ATP11C: variants seen among roughly 807,000 people sequenced by gnomAD.
ATP11C encodes the protein phospholipid-transporting ATPase IG.
In ATP11C, 36 loss-of-function variants were observed where a neutral mutation model predicts 97.4. That is an observed-to-expected ratio of 0.37 (90% confidence interval 0.28 to 0.49). The LOEUF is 0.49. ATP11C is among the 20% of genes least tolerant of loss of function. The probability of loss-of-function intolerance (pLI) is 0.98; values close to 1 mark genes in which losing one functional copy is unlikely to be tolerated. For missense variants in ATP11C, 730 were observed against 824.6 expected (o/e 0.89, Z 1.40); for synonymous variants, 275 against 290.9 (o/e 0.95, Z 0.56).
chrX:139,774,703 T>C lies in ATP11C; in HGVS notation c.2203A>G (p.Arg735Gly). 1 of 1,206,694 alleles carries C rather than the reference T, an allele frequency of 8.3e-7. No homozygotes were observed. Among genetic ancestry groups the C allele is most frequent in the African/African-American group, 1.7e-5 (1 of 57,822 alleles). ...GTACTTTCTTACTTTTTAAAGCTTCTAGTACTTTTAGGAAACTCATGCAGC... is the reference window on the plus strand; with the variant it reads ...GTACTTTCTTACTTTTTAAAGCTTCCAGTACTTTTAGGAAACTCATGCAGC... ...KLLHEFPKST[R>G]SFKKAWTEHQ... Residue 735 changes from arginine to glycine, a missense_variant, in exon 19 of 30, where the codon AGA becomes GGA. Transcript: ENST00000682941.
chrX:139,887,985 A>AAC (rs1556405229), intron 1 of ATP11C, among the ~76,000 whole-genome samples: 12 of 106,019 alleles, frequency 1.1e-4, no homozygotes, highest in East Asian at 5.8e-4. Context: ...AAAAAAAAAA[A>AAC]ACACACACAC....
chrX:139,861,728 C>T (rs1475650437), intron 1 of ATP11C, among the ~76,000 whole-genome samples: 2 of 109,594 alleles, frequency 1.8e-5, no homozygotes, highest in Non-Finnish European at 3.8e-5. Context: ...TAAGCAAATG[C>T]ACAAATCAAA....
chrX:139,898,709 T>C (rs1342961962), intron 1 of ATP11C, among the ~76,000 whole-genome samples: 1 of 111,979 alleles, frequency 8.9e-6, no homozygotes, highest in Non-Finnish European at 1.9e-5. Context: ...GTCAACTGCA[T>C]ACACCTGTCT....
intron 2 of ATP11C, among the ~76,000 whole-genome samples, chrX:139,823,200 T>A (rs2083452561): frequency 9.0e-6 from 1 of 111,523 alleles, no homozygotes; most frequent in African/African-American, 3.3e-5. Flanking sequence ...CGACAGAGAC[T>A]CTTGTCTCAA....
intron 26 of ATP11C, 135 bp from the exon 27 acceptor site, chrX:139,741,229 G>T (rs975141274): frequency 4.5e-6 from 2 of 447,149 alleles, no homozygotes; most frequent in Non-Finnish European, 7.9e-6. Flanking sequence ...GAGAAGAGGG[G>T]AACTAAACAG....
chrX:139,922,538 G>A (rs1034978478), intron 1 of ATP11C, among the ~76,000 whole-genome samples: 3 of 108,241 alleles, frequency 2.8e-5, no homozygotes, highest in African/African-American at 1.0e-4. Context: ...GTACTAGGAG[G>A]TGAGGCATCT....
At chrX:139,857,054 A>G (rs976592095) in intron 1 of ATP11C, among the ~76,000 whole-genome samples, 60 of 112,149 alleles carry the variant, frequency 5.4e-4, no homozygotes, top group African/African-American at 1.9e-3. Flanking sequence ...GATGGCTAGA[A>G]AAGTAGTTCG....
At chrX:139,853,704 A>G (rs2084041497) in intron 1 of ATP11C, among the ~76,000 whole-genome samples, 1 of 109,569 alleles carries the variant, frequency 9.1e-6, no homozygotes, top group Non-Finnish European at 1.9e-5. Context: ...TAACCCAGTA[A>G]CCCGCAGATG....
At chrX:139,820,540 T>A (rs776491863) in intron 2 of ATP11C, among the ~76,000 whole-genome samples, 3 of 111,280 alleles carry the variant, frequency 2.7e-5, no homozygotes, top group Admixed American at 9.5e-5. Flanking sequence ...TCCCTATGAG[T>A]ACCTCCAATT....
chrX:139,810,292 C>A (rs1603381029), intron 5 of ATP11C, among the ~76,000 whole-genome samples: 1 of 110,671 alleles, frequency 9.0e-6, no homozygotes, highest in African/African-American at 3.3e-5. Flanking sequence ...CTCATCCCTA[C>A]TAAAAATACA....
At chrX:139,737,320 A>G (rs892706967) in intron 28 of ATP11C, among the ~76,000 whole-genome samples, 3 of 111,622 alleles carry the variant, frequency 2.7e-5, no homozygotes, top group Admixed American at 9.5e-5. Flanking sequence ...TTTACAATTT[A>G]ATAGGAAAAA....
intron 1 of ATP11C, among the ~76,000 whole-genome samples, chrX:139,885,048 T>C (rs144372209): frequency 9.0e-6 from 1 of 111,452 alleles, no homozygotes; most frequent in Non-Finnish European, 1.9e-5. Flanking sequence ...CAAATCACGA[T>C]ATCTAAAAGC....
At chrX:139,814,732 GT>G in intron 5 of ATP11C, 145 bp downstream of exon 5, 1 of 373,974 alleles carries the variant, frequency 2.7e-6, no homozygotes, top group South Asian at 6.3e-5. Flanking sequence ...TGGGTATAGG[GT>G]TTCCTTTTCG....
At chrX:139,801,782 G>T (rs1258887167) in intron 7 of ATP11C, among the ~76,000 whole-genome samples, 1 of 111,635 alleles carries the variant, frequency 9.0e-6, no homozygotes, top group Non-Finnish European at 1.9e-5. Context: ...GTTTACTGTG[G>T]ACAAGAAAGA....
intron 5 of ATP11C, among the ~76,000 whole-genome samples, chrX:139,807,717 A>C (rs2083074438): frequency 9.0e-6 from 1 of 111,425 alleles, no homozygotes; most frequent in Non-Finnish European, 1.9e-5. Context: ...TGGGAGGCCA[A>C]GGTGGGAGGA....
At chrX:139,795,428 G>A (rs1355861149) in intron 12 of ATP11C, among the ~76,000 whole-genome samples, 1 of 111,441 alleles carries the variant, frequency 9.0e-6, no homozygotes, top group Non-Finnish European at 1.9e-5. Context: ...ATTTAAACAA[G>A]TGTGAGGCTC....
In ATP11C at chrX:139,796,453, G is replaced by A. The variant is rs774288516; in HGVS notation, c.1026C>T (p.Thr342=). The change falls in exon 12 of 30, where the codon ACC becomes ACT. Residue 342 remains threonine (T), a synonymous_variant. Coordinates refer to ENST00000682941, the MANE Select transcript of ATP11C (RefSeq NM_001353812.2). The part of the protein sequence containing the change: ...RETLKVLKMF[T]DFLSFMVLFN... ...ATAGAACCATAAATGATAGGAAGTC[G>A]GTGAACATTTTTAAAACCTAAAATA... is the stretch of plus-strand genomic sequence containing the variant. 8.6e-5 allele frequency: 102 copies of A among 1,181,682 alleles called. No individual in the cohort carries two copies. Among genetic ancestry groups the A allele is most frequent in the Non-Finnish European group, 1.1e-4 (96 of 874,202 alleles).
intron 22 of ATP11C, 114 bp downstream of exon 22, chrX:139,761,847 A>C: frequency 1.9e-6 from 1 of 514,595 alleles, no homozygotes; most frequent in Non-Finnish European, 2.9e-6. Flanking sequence ...TGCAAATTTC[A>C]GTATGAGATA....
intron 18 of ATP11C, among the ~76,000 whole-genome samples, chrX:139,780,565 A>G (rs886272983): frequency 2.7e-5 from 3 of 110,913 alleles, no homozygotes; most frequent in African/African-American, 9.8e-5. Context: ...ACCTCAAAAT[A>G]ATAAGAACCC....
Sources: gnomAD v4.1 joint callset for allele counts (sites outside exome capture counted in the v4.1 genomes callset) on GRCh38, gnomAD v4.1.1 for gene constraint, MANE v1.5 for transcripts, NCBI Gene and HGNC (gene_info 2026-07-23, HGNC 2026-07-21) for gene names.